Variants in GPAM observed in about 807,000 individuals in gnomAD.
The protein encoded by GPAM is glycerol-3-phosphate acyltransferase 1, mitochondrial.
A neutral mutation model predicts 105.0 loss-of-function variants in GPAM; 56 were observed. The ratio of observed to expected loss-of-function variants is 0.53; its 90% CI spans 0.43 to 0.67. GPAM has a LOEUF of 0.67. Ranked by LOEUF, GPAM falls within the 30% of genes least tolerant of loss-of-function variation. The pLI, the probability that GPAM is intolerant of heterozygous loss-of-function variation, is 0.00. For missense variants in GPAM, 855 were observed against 989.8 expected (o/e 0.86, Z 1.83); for synonymous variants, 368 against 354.4 (o/e 1.04, Z -0.43).
chr10:112,197,580 G>A (rs1384579318), intron 1 of GPAM, among the ~76,000 whole-genome samples: 1 of 149,480 alleles, frequency 6.7e-6, no homozygotes, highest in Non-Finnish European at 1.5e-5. Flanking sequence ...CTGGTGCGCT[G>A]CACCCACTAA....
the GPAM span, among the ~76,000 whole-genome samples, chr10:112,222,843 C>T: frequency 6.6e-6 from 1 of 152,098 alleles, no homozygotes; most frequent in Admixed American, 6.5e-5. Flanking sequence ...ACCATTTACC[C>T]ATGGCGTGGG....
At chr10:112,202,335 A>G (rs1324887533) in intron 1 of GPAM, among the ~76,000 whole-genome samples, 3 of 152,344 alleles carry the variant, frequency 2.0e-5, no homozygotes, top group East Asian at 1.9e-4. Flanking sequence ...CAATCTCTCC[A>G]TTAAGTCATT....
upstream of GPAM, among the ~76,000 whole-genome samples, chr10:112,216,032 GGCCCTT>G (rs1847964544): frequency 6.6e-6 from 1 of 152,126 alleles, no homozygotes; most frequent in African/African-American, 2.4e-5. Flanking sequence ...GGCGAATAAA[GGCCCTT>G]GCTAGCTGTG....
chr10:112,208,479 A>G (rs1258785449), intron 1 of GPAM, among the ~76,000 whole-genome samples: 1 of 152,176 alleles, frequency 6.6e-6, no homozygotes, highest in Non-Finnish European at 1.5e-5. Context: ...AGAAAACAGT[A>G]GTTTCTATTT....
the GPAM span, among the ~76,000 whole-genome samples, chr10:112,225,344 C>T: frequency 6.6e-6 from 1 of 152,156 alleles, no homozygotes; most frequent in African/African-American, 2.4e-5. Context: ...AGGGTGGGGA[C>T]CATTGAGTCA....
upstream of GPAM, among the ~76,000 whole-genome samples, chr10:112,216,504 T>A (rs543710764): frequency 2.6e-5 from 4 of 152,262 alleles, no homozygotes; most frequent in East Asian, 1.9e-4. Context: ...CGGATCCAAG[T>A]CAGAGGGACA....
rs1038497635 is a variant in GPAM at position 112,156,178 on chromosome 10, T to C, written c.2122-125A>G. The C allele has an allele frequency of 5.6e-6, 4 of 711,160 alleles. No homozygotes were observed. In the Admixed American group the frequency reaches 6.0e-5, roughly 11 times the overall value. The allele number at this position is 711,160 out of a possible 1,614,324, so 44.1% of individuals were successfully genotyped here. ...GATGGCCACTCACATCAGCACTACA[T>C]GAAAGCGGCCCCCTGCCCCTCATGC... On this transcript the variant is annotated intron_variant, in intron 19 of 21. Transcript: ENST00000348367.
chr10:112,182,923 G>C (rs1362461764), intron 1 of GPAM, 32 bp from the exon 2 acceptor site: 3 of 152,230 alleles, frequency 2.0e-5, no homozygotes, highest in Non-Finnish European at 4.4e-5. Context: ...AGGATGAGGA[G>C]AGGACAAAGA....
At chr10:112,192,334 A>T (rs1400329007) in intron 1 of GPAM, among the ~76,000 whole-genome samples, 3 of 152,202 alleles carry the variant, frequency 2.0e-5, no homozygotes, top group African/African-American at 7.2e-5. Context: ...GGCATATGGT[A>T]TGTAGGGATG....
At chr10:112,173,255 A>G (rs1847344715) in intron 7 of GPAM, among the ~76,000 whole-genome samples, 189 bp from the exon 8 acceptor site, 2 of 152,112 alleles carry the variant, frequency 1.3e-5, no homozygotes, top group South Asian at 2.1e-4. Flanking sequence ...CTAATTTTAT[A>G]TATATATATA....
Position 112,175,759 on chromosome 10 carries a change from CA to C in GPAM, c.300-47del, listed in dbSNP as rs763539540. ...AGAAGTATTAGAGGTACCCCTAAAA[CA>C]AGTTGCTTAAATCATAAACTAATTT... On this transcript the variant is annotated intron_variant, in intron 5 of 21. Transcript: ENST00000348367. 23 of 1,165,256 alleles carry C rather than the reference CA, an allele frequency of 2.0e-5. No homozygotes were observed. In the African/African-American group the frequency reaches 2.7e-4, roughly 14 times the overall value. 72.2% of individuals were successfully genotyped at this position (1,165,256 alleles called of 1,614,324 possible).
intron 1 of GPAM, among the ~76,000 whole-genome samples, chr10:112,193,445 A>G (rs894223973): frequency 6.6e-6 from 1 of 152,240 alleles, no homozygotes; most frequent in African/African-American, 2.4e-5. Flanking sequence ...GCAAGGAGGC[A>G]TTGTCCTAAG....
At chr10:112,207,668 C>T (rs757440876) in intron 1 of GPAM, among the ~76,000 whole-genome samples, 7 of 152,194 alleles carry the variant, frequency 4.6e-5, no homozygotes, top group South Asian at 2.1e-4. Context: ...ATATTGTTCG[C>T]ATTATCATTG....
intron 1 of GPAM, among the ~76,000 whole-genome samples, chr10:112,209,550 C>T (rs149774876): frequency 4.1e-4 from 62 of 152,240 alleles, no homozygotes; most frequent in African/African-American, 1.5e-3. Context: ...CTGCAGATGT[C>T]CAAGTGGGAA....
chr10:112,164,261 C>A (rs1847174846), intron 13 of GPAM, among the ~76,000 whole-genome samples: 1 of 152,126 alleles, frequency 6.6e-6, no homozygotes, highest in Non-Finnish European at 1.5e-5. Flanking sequence ...ACCAAAAAAA[C>A]TCAGTTCAAG....
In GPAM at chr10:112,169,599, T is replaced by A. The variant is rs111873388; in HGVS notation, c.795-647A>T. On this transcript the variant is annotated intron_variant, in intron 9 of 21. Transcript: ENST00000348367. ...ATGAAGTTGAAACTGTCTAAGTCAA[T>A]CTTTCCAAACTCACAGCCTCCTATT... 2.7e-3 allele frequency among the ~76,000 whole-genome samples: 405 copies of A among 152,314 alleles called. 1 individual carries two copies. The highest frequency in any genetic ancestry group is 4.2e-3 in the Non-Finnish European group (289 of 68,032).
chr10:112,163,201 G>T (rs1035112961), intron 14 of GPAM, among the ~76,000 whole-genome samples: 1 of 152,166 alleles, frequency 6.6e-6, no homozygotes, highest in Non-Finnish European at 1.5e-5. Flanking sequence ...TTAATTATTT[G>T]TGTATAACCA....
chr10:112,196,454 T>C (rs145978752), intron 1 of GPAM, among the ~76,000 whole-genome samples: 33 of 152,336 alleles, frequency 2.2e-4, no homozygotes, highest in African/African-American at 7.9e-4. Flanking sequence ...GGAAAATTTA[T>C]TCTCTTGGGT....
intron 14 of GPAM, among the ~76,000 whole-genome samples, chr10:112,162,756 T>C (rs1847144934): frequency 6.6e-6 from 1 of 152,176 alleles, no homozygotes; most frequent in Admixed American, 6.5e-5. Context: ...TTTTAGAGAC[T>C]ACACAGCAAC....
Sources: allele counts gnomAD v4.1 joint callset (sites outside exome capture counted in the v4.1 genomes callset), GRCh38; gene constraint gnomAD v4.1.1; transcripts MANE v1.5; gene names NCBI Gene and HGNC (gene_info 2026-07-23, HGNC 2026-07-21).